HECTD4: variants seen among roughly 807,000 people sequenced by gnomAD.
HECTD4 encodes the protein probable E3 ubiquitin-protein ligase HECTD4.
A neutral mutation model predicts 471.5 loss-of-function variants in HECTD4; 114 were observed. That is an observed-to-expected ratio of 0.24 (90% CI 0.21 to 0.28). The LOEUF (loss-of-function observed/expected upper bound fraction) is 0.28, where lower values mean the gene tolerates loss of function less well. Ranked by LOEUF, HECTD4 falls within the 10% of genes least tolerant of loss-of-function variation. The probability of loss-of-function intolerance (pLI) is 1.00; values close to 1 mark genes in which losing one functional copy is unlikely to be tolerated. For missense variants in HECTD4, 3,866 were observed against 5,651.5 expected, an observed-to-expected ratio of 0.68 and a Z score of 10.13; for synonymous variants, 2,012 against 2,256.0, an observed-to-expected ratio of 0.89 and a Z score of 3.07.
Position 112,228,902 on chromosome 12 carries a change from G to T in HECTD4, c.6520-91C>A. On this transcript the variant is annotated intron_variant, in intron 41 of 75. Coordinates refer to ENST00000682272, the MANE Select transcript of HECTD4 (RefSeq NM_001388303.1). The surrounding 1 kb of genome is among the most constrained non-coding windows in gnomAD (Gnocchi z 4.9). ...AAGAGGAAAAAGTAAATTTATAGTTGTCATTGTTGGCGTTACAGTAATAGT... is the reference window on the plus strand; with the variant it reads ...AAGAGGAAAAAGTAAATTTATAGTTTTCATTGTTGGCGTTACAGTAATAGT... 8.0e-7 allele frequency: 1 copy of T among 1,245,768 alleles called. No individual in the cohort carries two copies. Among genetic ancestry groups the T allele is most frequent in the Non-Finnish European group, 1.2e-6 (1 of 869,180 alleles). The allele number at this position is 1,245,768 out of a possible 1,614,324, so 77.2% of individuals were successfully genotyped here.
At chr12:112,164,834 C>G (rs2030867700) in intron 72 of HECTD4, among the ~76,000 whole-genome samples, 2 of 151,190 alleles carry the variant, frequency 1.3e-5, no homozygotes, top group Non-Finnish European at 2.9e-5. Flanking sequence ...GTTGGCCAGG[C>G]TGGTCTCTAA....
intron 1 of HECTD4, among the ~76,000 whole-genome samples, chr12:112,321,141 G>A (rs1435310346): frequency 6.6e-6 from 1 of 152,190 alleles, no homozygotes; most frequent in Non-Finnish European, 1.5e-5. Flanking sequence ...ACTATGCCTG[G>A]CAGCATACCC....
intron 10 of HECTD4, 129 bp from the exon 11 acceptor site, chr12:112,273,924 C>T: frequency 5.9e-6 from 6 of 1,008,714 alleles, no homozygotes; most frequent in Non-Finnish European, 8.4e-6. Context: ...AACCCTAGTC[C>T]CACAGATTTA....
chr12:112,261,212 T>C, intron 18 of HECTD4, 93 bp downstream of exon 18: 2 of 1,319,468 alleles, frequency 1.5e-6, no homozygotes, highest in Non-Finnish European at 2.0e-6. Context: ...CTATATAAAA[T>C]TGATCCTTCT....
In HECTD4 at chr12:112,264,097, G is replaced by A; in HGVS notation, c.2735C>T (p.Thr912Ile). Residue 912 changes from threonine (T) to isoleucine (I), a missense_variant, in exon 17 of 76, where the codon ACA becomes ATA. Thr to Ile is a moderately conservative substitution (Grantham distance 89). Coordinates refer to ENST00000682272, the MANE Select transcript of HECTD4 (RefSeq NM_001388303.1). The stretch of plus-strand genomic sequence containing the variant: ...CTTGGTGTTTACCTGTACCTTCAAT[G>A]TCTCTCCCTGCAAGGAGCTGTCACT... ...DDSDSSLQGETLKVQELKVSI... is the reference protein window; with the variant it reads ...DDSDSSLQGEILKVQELKVSI... The A allele has an allele frequency of 6.2e-7, 1 of 1,609,846 alleles. No individual in the cohort carries two copies. Among genetic ancestry groups the A allele is most frequent in the Non-Finnish European group, 8.5e-7 (1 of 1,178,000 alleles).
chr12:112,256,735 T>C (rs2034018774), intron 20 of HECTD4: 1 of 361,598 alleles, frequency 2.8e-6, no homozygotes, highest in South Asian at 1.4e-4. Context: ...GCTTTTTTTT[T>C]TCTTTTTTGC....
At chr12:112,281,859 A>G (rs563384156) in intron 8 of HECTD4, among the ~76,000 whole-genome samples, 10 of 152,266 alleles carry the variant, frequency 6.6e-5, no homozygotes, top group South Asian at 2.1e-4. Context: ...ATCTTTTTCT[A>G]GCTTTATCTT....
Position 112,381,923 on chromosome 12 carries a change from T to TGGCGGGG in HECTD4, c.177+22_177+28dup. On this transcript the variant is annotated intron_variant, in intron 1 of 75. Coordinates refer to ENST00000682272, the MANE Select transcript of HECTD4 (RefSeq NM_001388303.1). This position sits in a 1 kb window ranked among gnomAD's most constrained non-coding sequence, Gnocchi z 4.1. ...GTGCCGGGCGAGTGGGTCAGTCCGATGGCGGGGGCCGGGGGCCGCCTCGCT... is the reference window on the plus strand; with the variant it reads ...GTGCCGGGCGAGTGGGTCAGTCCGATGGCGGGGGGCGGGGGCCGGGGGCCGCCTCGCT... 2 of 1,219,884 alleles carry TGGCGGGG rather than the reference T, an allele frequency of 1.6e-6. No individual in the cohort carries two copies. The highest frequency in any genetic ancestry group is 2.0e-6 in the Non-Finnish European group (2 of 979,972). 75.6% of individuals were successfully genotyped at this position (1,219,884 alleles called of 1,614,324 possible).
rs138365157 is a variant in HECTD4 at position 112,336,792 on chromosome 12, T to C, written c.178-17050A>G. On this transcript the variant is annotated intron_variant, in intron 1 of 75. Coordinates refer to ENST00000682272, the MANE Select transcript of HECTD4 (RefSeq NM_001388303.1). ...AATAAGATTAGCCACGAGCTGATAA[T>C]TGTCGAACTTGCTGATGGGTACATA... is the stretch of plus-strand genomic sequence containing the variant. Among the ~76,000 whole-genome samples the C allele has an allele frequency of 1.1e-4, 17 of 152,318 alleles. No homozygotes were observed. In the East Asian group the frequency reaches 2.9e-3, roughly 26 times the overall value.
At chr12:112,203,347 G>A (rs962693550) in intron 54 of HECTD4, 2 of 264,336 alleles carry the variant, frequency 7.6e-6, no homozygotes, top group Non-Finnish European at 1.4e-5. Flanking sequence ...TATAATGCAG[G>A]AACAGTTTGA....
At chr12:112,242,519 G>A (rs773654154) in intron 32 of HECTD4, among the ~76,000 whole-genome samples, 1 of 151,272 alleles carries the variant, frequency 6.6e-6, no homozygotes, top group Admixed American at 6.6e-5. Context: ...AGGCTGAGGT[G>A]GGAAGATCGC....
intron 44 of HECTD4, among the ~76,000 whole-genome samples, chr12:112,226,258 T>A (rs553443815): frequency 3.2e-4 from 49 of 152,170 alleles, no homozygotes; most frequent in Middle Eastern, 3.4e-3. Flanking sequence ...CAAGGATGGA[T>A]GTTAGTGCAA....
In HECTD4 at chr12:112,184,597, G is replaced by A. The variant is rs1189536859; in HGVS notation, c.10369C>T (p.Pro3457Ser). 6.8e-6 allele frequency: 11 copies of A among 1,613,844 alleles called. No homozygotes were observed. Among genetic ancestry groups the A allele is most frequent in the African/African-American group, 1.3e-5 (1 of 75,048 alleles). Reference protein sequence around the residue: ...KAEGGDGKVEPEKTLAFPGTD... With the variant: ...KAEGGDGKVESEKTLAFPGTD... ...CCGGGGAAGGCCAGTGTCTTCTCGG[G>A]CTCAACTTTCCCGTCCCCGCCCTCG... is the stretch of plus-strand genomic sequence containing the variant. The change falls in exon 61 of 76, where the codon CCC becomes TCC. Residue 3457 changes from proline to serine, a missense_variant. Around this residue, in one of 16 missense-constraint regions of HECTD4, gnomAD observed 192 missense variants for 189.9 expected, o/e 1.01. Coordinates refer to ENST00000682272, the MANE Select transcript of HECTD4 (RefSeq NM_001388303.1). This position sits in a 1 kb window ranked among gnomAD's most constrained non-coding sequence, Gnocchi z 9.1.
intron 32 of HECTD4, 104 bp from the exon 33 acceptor site, chr12:112,240,131 G>A: frequency 8.7e-7 from 1 of 1,143,634 alleles, no homozygotes. Flanking sequence ...GATGAATCCA[G>A]AACTGAAGGG....
chr12:112,171,699 C>T (rs2031228547), intron 67 of HECTD4, among the ~76,000 whole-genome samples: 1 of 152,224 alleles, frequency 6.6e-6, no homozygotes, highest in South Asian at 2.1e-4. Context: ...CAGTCCTTCA[C>T]CCTTCTCACT....
chr12:112,192,881 ACCACAC>A, intron 58 of HECTD4, 116 bp from the exon 59 acceptor site: 2 of 1,209,832 alleles, frequency 1.7e-6, no homozygotes, highest in South Asian at 3.1e-5. Flanking sequence ...AGTCATTTCC[ACCACAC>A]TTTGGAAGGT....
chr12:112,304,395 G>A (rs904206375), intron 7 of HECTD4, among the ~76,000 whole-genome samples: 11 of 151,834 alleles, frequency 7.2e-5, no homozygotes, highest in African/African-American at 2.7e-4. Context: ...TAGTTGCTGG[G>A]ACTACAGGCA....
chr12:112,192,385 T>C (rs2032108086), intron 59 of HECTD4, among the ~76,000 whole-genome samples, 175 bp downstream of exon 59: 4 of 152,222 alleles, frequency 2.6e-5, no homozygotes. Context: ...GATAAGTCTT[T>C]TAATTTACTG....
At chr12:112,223,336 T>C (rs2033148967) in intron 44 of HECTD4, among the ~76,000 whole-genome samples, 1 of 152,248 alleles carries the variant, frequency 6.6e-6, no homozygotes, top group Non-Finnish European at 1.5e-5. Flanking sequence ...GGTTTCTATG[T>C]GCCTTTTCTT....
Sources: gnomAD v4.1 joint callset for allele counts (sites outside exome capture counted in the v4.1 genomes callset) on GRCh38, gnomAD v4.1.1 for gene constraint, gnomAD v4.1.1 regional missense constraint, Gnocchi (gnomAD v3.1) non-coding constraint, MANE v1.5 for transcripts, NCBI Gene and HGNC (gene_info 2026-07-23, HGNC 2026-07-21) for gene names.